RAB8A: variants seen among roughly 807,000 people sequenced by gnomAD.
The protein encoded by RAB8A is ras-related protein Rab-8A.
Under a neutral mutation model 29.2 loss-of-function variants are expected in RAB8A, and 5 were observed. The ratio of observed to expected loss-of-function variants is 0.17; its 90% CI spans 0.09 to 0.36. The LOEUF is 0.36. RAB8A is among the 10% of genes least tolerant of loss of function. RAB8A has a pLI of 1.00. For missense variants in RAB8A, 171 were observed against 272.2 expected, an observed-to-expected ratio of 0.63 and a Z score of 2.62; for synonymous variants, 108 against 99.9, an observed-to-expected ratio of 1.08 and a Z score of -0.49.
intron 1 of RAB8A, among the ~76,000 whole-genome samples, chr19:16,116,184 AG>A (rs1485926766): frequency 6.6e-6 from 1 of 152,212 alleles, no homozygotes; most frequent in Non-Finnish European, 1.5e-5. Flanking sequence ...TTTCCAGGGC[AG>A]GGAAGAGCAA....
chr19:16,115,162 C>T (rs2090840954), intron 1 of RAB8A, among the ~76,000 whole-genome samples: 1 of 151,158 alleles, frequency 6.6e-6, no homozygotes, highest in Non-Finnish European at 1.5e-5. Context: ...GTGGCGCTTG[C>T]CTGTATTCCC....
intron 1 of RAB8A, among the ~76,000 whole-genome samples, chr19:16,116,467 C>T (rs538144514): frequency 6.6e-6 from 1 of 152,180 alleles, no homozygotes; most frequent in Non-Finnish European, 1.5e-5. Context: ...GCTTTGGGTA[C>T]ATTCACAGAG....
chr19:16,130,763 A>C (rs1391599207), intron 7 of RAB8A, among the ~76,000 whole-genome samples: 1 of 149,720 alleles, frequency 6.7e-6, no homozygotes, highest in Non-Finnish European at 1.5e-5. Flanking sequence ...CAATCCTCCC[A>C]CCTCCGCCTC....
At chr19:16,131,852 ATGGTTGGTTGGTTGGTTGGTTGGT>A (rs72439769) in intron 7 of RAB8A, among the ~76,000 whole-genome samples, 4 of 142,404 alleles carry the variant, frequency 2.8e-5, no homozygotes, top group Middle Eastern at 3.4e-3. Context: ...GTATAGATGG[ATGGTTGGTTGGTTGGTTGGTTGGT>A]TGGTTGGTTG....
intron 4 of RAB8A, chr19:16,126,934 T>C (rs1599398575): frequency 6.6e-6 from 1 of 151,012 alleles, no homozygotes; most frequent in Non-Finnish European, 1.5e-5. Flanking sequence ...GAGGTTGCAG[T>C]GAGCCGAGAT....
Position 16,134,056 on chromosome 19 carries a change from G to A in RAB8A, c.*1752G>A, listed in dbSNP as rs1599402052. On this transcript the variant is annotated 3_prime_UTR_variant, in exon 8 of 8. Transcript: ENST00000300935. ...CTTCCCAAGACCACACCCAGGTCCA[G>A]TCATTCCCTAGGACTTGGCAGAGAG... The A allele has an allele frequency of 6.6e-6, 1 of 152,334 alleles. No individual in the cohort carries two copies. Among genetic ancestry groups the A allele is most frequent in the Admixed American group, 6.5e-5 (1 of 15,276 alleles). The allele number at this position is 152,334 out of a possible 1,614,324, so 9.4% of individuals were successfully genotyped here.
intron 1 of RAB8A, 136 bp from the exon 2 acceptor site, chr19:16,118,090 A>C (rs956792437): frequency 1.5e-5 from 10 of 683,878 alleles, no homozygotes; most frequent in Non-Finnish European, 2.5e-5. Context: ...ATATTCCGAC[A>C]TCCTGCATGC....
At chr19:16,126,127 T>C (rs768198503) in intron 4 of RAB8A, 7 of 186,188 alleles carry the variant, frequency 3.8e-5, no homozygotes, top group Non-Finnish European at 7.0e-5. Context: ...TAACTAACCA[T>C]GTGGGGCTTC....
chr19:16,133,466 T>C lies in RAB8A; in HGVS notation c.*1162T>C, dbSNP rs2090939305. On this transcript the variant is annotated 3_prime_UTR_variant, in exon 8 of 8. Coordinates refer to ENST00000300935, the MANE Select transcript of RAB8A (RefSeq NM_005370.5). ...CTTTTTTTCTTTCTTTTTTTTTTTT[T>C]CCTCCTTAAGCTGCTGTCAATCCAA... The C allele has an allele frequency of 6.6e-6, 1 of 152,210 alleles. No individual in the cohort carries two copies. The highest frequency in any genetic ancestry group is 2.1e-4 in the South Asian group (1 of 4,796). The allele number at this position is 152,210 out of a possible 1,614,324, so 9.4% of individuals were successfully genotyped here. A position where few individuals can be genotyped will look rare whatever the true frequency, so the allele number is the denominator to read the frequency against.
intron 2 of RAB8A, among the ~76,000 whole-genome samples, chr19:16,121,429 C>T (rs2090875015): frequency 6.6e-6 from 1 of 152,160 alleles, no homozygotes; most frequent in Admixed American, 6.6e-5. Flanking sequence ...ACAGCAAGAG[C>T]TATGTTCCTG....
chr19:16,116,139 C>G (rs2090844789), intron 1 of RAB8A, among the ~76,000 whole-genome samples: 1 of 152,188 alleles, frequency 6.6e-6, no homozygotes, highest in Admixed American at 6.5e-5. Context: ...GGAACCTGAA[C>G]AAAGGGATAG....
intron 1 of RAB8A, among the ~76,000 whole-genome samples, chr19:16,114,184 G>A (rs182245458): frequency 6.6e-6 from 1 of 152,114 alleles, no homozygotes; most frequent in East Asian, 1.9e-4. Flanking sequence ...TGGGAGGATC[G>A]ATTGAGCCCA....
rs765353460 is a variant in RAB8A, at chr19:16,127,539, G to C, written c.414+13G>C. ...ACGGGGAGAAAAGGTGGGCATGGTG[G>C]CACAAGGGGCAGAGGGCCTCGGGGT... On this transcript the variant is annotated intron_variant, in intron 5 of 7. Transcript: ENST00000300935. The surrounding 1 kb of genome is among the most constrained non-coding windows in gnomAD (Gnocchi z 4.8). The C allele has an allele frequency of 2.7e-6, 4 of 1,505,166 alleles. No homozygotes were observed. In the African/African-American group the frequency reaches 5.6e-5, roughly 21 times the overall value. 93.2% of individuals were successfully genotyped at this position (1,505,166 alleles called of 1,614,324 possible). A position where few individuals can be genotyped will look rare whatever the true frequency, so the allele number is the denominator to read the frequency against.
At chr19:16,131,440 TGTTG>T (rs935981135) in intron 7 of RAB8A, among the ~76,000 whole-genome samples, 1 of 151,574 alleles carries the variant, frequency 6.6e-6, no homozygotes, top group African/African-American at 2.4e-5. Flanking sequence ...ATGATTGGTT[TGTTG>T]GTTGGTTGGA....
chr19:16,115,578 A>G (rs2090842766), intron 1 of RAB8A, among the ~76,000 whole-genome samples: 1 of 152,022 alleles, frequency 6.6e-6, no homozygotes, highest in African/African-American at 2.4e-5. Context: ...TGCTTTGTGA[A>G]CCGCTCAACA....
intron 1 of RAB8A, among the ~76,000 whole-genome samples, chr19:16,114,240 C>T (rs573941907): frequency 6.6e-6 from 1 of 151,906 alleles, no homozygotes; most frequent in Admixed American, 6.6e-5. Context: ...TGCACTCCAG[C>T]CTGGGCAACA....
At position 16,133,975 on chromosome 19, in the gene RAB8A, T is replaced by TA. The variant is rs574384656; in HGVS notation, c.*1672dup. ...CTCCTGCCTCCCTGGCAGGTCCTTC[T>TA]AGGGGCCCTCTCCTGGCTGGCTTTC... On this transcript the variant is annotated 3_prime_UTR_variant, in exon 8 of 8. Coordinates refer to ENST00000300935, the MANE Select transcript of RAB8A (RefSeq NM_005370.5). 3.6e-4 allele frequency: 55 copies of TA among 152,486 alleles called. No individual in the cohort carries two copies. Among genetic ancestry groups the TA allele is most frequent in the African/African-American group, 1.3e-3 (52 of 41,564 alleles). 9.4% of individuals were successfully genotyped at this position (152,486 alleles called of 1,614,324 possible).
intron 6 of RAB8A, 98 bp downstream of exon 6, chr19:16,128,189 G>A (rs147593387): frequency 8.6e-5 from 114 of 1,329,748 alleles, no homozygotes; most frequent in Non-Finnish European, 1.1e-4. Context: ...CCTGCCAGAC[G>A]GACCAGCCTC....
chr19:16,125,320 G>C lies in RAB8A; in HGVS notation c.247-150G>C. The C allele has an allele frequency of 1.5e-6, 1 of 667,276 alleles. No homozygotes were observed. Among genetic ancestry groups the C allele is most frequent in the Non-Finnish European group, 2.6e-6 (1 of 380,474 alleles). The allele number at this position is 667,276 out of a possible 1,614,324, so 41.3% of individuals were successfully genotyped here. On this transcript the variant is annotated intron_variant, in intron 3 of 7. Transcript: ENST00000300935. The surrounding 1 kb of genome is among the most constrained non-coding windows in gnomAD (Gnocchi z 5.0). ...GATGGAGAGGAGGGGGCTGGCTTCC[G>C]GGGCTCCACAGAGGTGGGGAGGGCG...
Sources: gnomAD v4.1 joint callset for allele counts (sites outside exome capture counted in the v4.1 genomes callset) on GRCh38, gnomAD v4.1.1 for gene constraint, Gnocchi (gnomAD v3.1) non-coding constraint, MANE v1.5 for transcripts, NCBI Gene and HGNC (gene_info 2026-07-23, HGNC 2026-07-21) for gene names.